The following PTPRM variants were observed in gnomAD, a reference collection of about 807,000 sequenced individuals.
PTPRM encodes the protein protein tyrosine phosphatase receptor type M, also known as receptor-type tyrosine-protein phosphatase mu.
In PTPRM, 47 loss-of-function variants were observed where a neutral mutation model predicts 186.7. The observed-to-expected ratio is 0.25, with a 90% CI of 0.20 to 0.32. The LOEUF is 0.32. Among genes scored for constraint, PTPRM ranks in the 10% least tolerant of loss-of-function variants. PTPRM has a pLI of 1.00. For missense variants in PTPRM, 1,494 were observed against 1,865.0 expected (o/e 0.80, Z 3.66); for synonymous variants, 668 against 674.9 (o/e 0.99, Z 0.16).
chr18:8,248,400 C>A (rs1568599604), intron 17 of PTPRM: 1 of 611,360 alleles, frequency 1.6e-6, no homozygotes. Flanking sequence ...GGGGATGATA[C>A]CAACAGGTTC....
chr18:7,764,770 G>T (rs2041942026), intron 1 of PTPRM, among the ~76,000 whole-genome samples: 1 of 152,312 alleles, frequency 6.6e-6, no homozygotes, highest in South Asian at 2.1e-4. Flanking sequence ...CAGAGATCAG[G>T]TCATAAATAC....
chr18:7,679,566 G>A (rs958704686), intron 1 of PTPRM, among the ~76,000 whole-genome samples: 7 of 152,180 alleles, frequency 4.6e-5, no homozygotes, highest in African/African-American at 7.2e-5. Flanking sequence ...TCGGGAGGCC[G>A]AGGCACGAGA....
At chr18:8,211,377 CTTTTTTTTTTT>C (rs970926126) in intron 14 of PTPRM, among the ~76,000 whole-genome samples, 1 of 87,232 alleles carries the variant, frequency 1.1e-5, no homozygotes. Flanking sequence ...GTCTCTTCTT[CTTTTTTTTTTT>C]TTTTTTTTTT....
chr18:8,140,931 C>T (rs1230871962), intron 13 of PTPRM, among the ~76,000 whole-genome samples: 1 of 152,176 alleles, frequency 6.6e-6, no homozygotes, highest in Non-Finnish European at 1.5e-5. Context: ...AGAAATTATA[C>T]TGTTAAATTC....
At chr18:8,115,190 G>A (rs972881710) in intron 13 of PTPRM, among the ~76,000 whole-genome samples, 7 of 152,070 alleles carry the variant, frequency 4.6e-5, no homozygotes, top group Non-Finnish European at 1.0e-4. Context: ...ATCTTCATAT[G>A]CAAAGGAATA....
At chr18:8,392,795 A>G (rs946303003) in intron 31 of PTPRM, among the ~76,000 whole-genome samples, 2 of 152,190 alleles carry the variant, frequency 1.3e-5, no homozygotes, top group Non-Finnish European at 2.9e-5. Context: ...CGGAGCTCCC[A>G]CTGGCCAAAG....
At chr18:8,185,152 T>G (rs1262523094) in intron 14 of PTPRM, among the ~76,000 whole-genome samples, 1 of 126,236 alleles carries the variant, frequency 7.9e-6, no homozygotes, top group Non-Finnish European at 1.8e-5. Flanking sequence ...TGATTACTAA[T>G]TGTTAAAAAA....
intron 20 of PTPRM, among the ~76,000 whole-genome samples, chr18:8,311,924 C>T (rs745956366): frequency 1.3e-5 from 2 of 152,170 alleles, no homozygotes; most frequent in Non-Finnish European, 2.9e-5. Context: ...CAGCACTCAT[C>T]CTGAGGAGCT....
intron 2 of PTPRM, among the ~76,000 whole-genome samples, chr18:7,811,724 C>T (rs944795115): frequency 3.9e-5 from 6 of 151,920 alleles, no homozygotes; most frequent in African/African-American, 1.5e-4. Context: ...CTTTGGTATT[C>T]CTGAGAGTGA....
chr18:7,824,342 G>A (rs4572487), intron 2 of PTPRM, among the ~76,000 whole-genome samples: 5,307 of 152,226 alleles, frequency 0.035, 270 homozygotes, highest in African/African-American at 0.11. Flanking sequence ...CAGTCATGGT[G>A]GGGACACATG....
chr18:8,082,988 C>T (rs553653794), intron 9 of PTPRM, among the ~76,000 whole-genome samples: 8 of 152,006 alleles, frequency 5.3e-5, no homozygotes, highest in South Asian at 2.1e-4. Flanking sequence ...CAGTCCTTCA[C>T]TGAGTTCTGT....
chr18:8,127,695 C>T (rs928055476), intron 13 of PTPRM, among the ~76,000 whole-genome samples: 2 of 152,088 alleles, frequency 1.3e-5, no homozygotes, highest in African/African-American at 4.8e-5. Context: ...AAATATGTAG[C>T]TTTAGGGAGC....
At chr18:7,856,711 T>C (rs375538903) in intron 2 of PTPRM, among the ~76,000 whole-genome samples, 1 of 146,848 alleles carries the variant, frequency 6.8e-6, no homozygotes, top group African/African-American at 2.6e-5. Context: ...GCCACTGCAC[T>C]CCAGCCTGGG....
intron 23 of PTPRM, among the ~76,000 whole-genome samples, chr18:8,359,047 C>G (rs537791506): frequency 1.3e-5 from 2 of 152,250 alleles, no homozygotes; most frequent in East Asian, 3.9e-4. Context: ...CCAATTAATC[C>G]TTTTGTATTA....
rs369418664 is a variant in PTPRM at position 8,120,910 on chromosome 18, A to G, written c.2167+6083A>G. On this transcript the variant is annotated intron_variant, in intron 13 of 32. Transcript: ENST00000580170. Reference sequence around the variant, plus strand: ...TTGGTTGGAGCAACAGTAGTCTATGACCAAACAAAAATGTTATGTGTATAA... The same window carrying G: ...TTGGTTGGAGCAACAGTAGTCTATGGCCAAACAAAAATGTTATGTGTATAA... Among the ~76,000 whole-genome samples, 21 of 152,220 alleles carry G rather than the reference A, an allele frequency of 1.4e-4. 1 individual carries two copies. The highest frequency in any genetic ancestry group is 5.1e-4 in the African/African-American group (21 of 41,456).
chr18:7,982,812 A>AT (rs2082630927), intron 7 of PTPRM, among the ~76,000 whole-genome samples: 1 of 151,978 alleles, frequency 6.6e-6, no homozygotes, highest in African/African-American at 2.4e-5. Context: ...GATGACAGTG[A>AT]TATATGTGGT....
chr18:7,719,112 A>G (rs547934747), intron 1 of PTPRM, among the ~76,000 whole-genome samples: 1 of 152,362 alleles, frequency 6.6e-6, no homozygotes, highest in South Asian at 2.1e-4. Flanking sequence ...TTATAGCAGC[A>G]TAATTTGCGA....
chr18:8,016,213 A>G (rs1429770371), intron 7 of PTPRM, among the ~76,000 whole-genome samples: 1 of 152,182 alleles, frequency 6.6e-6, no homozygotes, highest in East Asian at 1.9e-4. Context: ...CATCATAATT[A>G]ACCTCACCTA....
chr18:8,069,634 GC>G, intron 7 of PTPRM, 51 bp from the exon 8 acceptor site: 7 of 1,481,714 alleles, frequency 4.7e-6, no homozygotes, highest in Non-Finnish European at 6.5e-6. Context: ...ATTGACCTGA[GC>G]CTTTATCTTT....
Sources: allele counts gnomAD v4.1 joint callset (sites outside exome capture counted in the v4.1 genomes callset), GRCh38; gene constraint gnomAD v4.1.1; transcripts MANE v1.5; gene names NCBI Gene and HGNC (gene_info 2026-07-23, HGNC 2026-07-21).